The following CUX1 variants were observed in gnomAD, a reference collection of about 807,000 sequenced individuals.
CUX1 encodes the protein cut like homeobox 1.
Under a neutral mutation model 158.8 loss-of-function variants are expected in CUX1, and 31 were observed. The observed-to-expected ratio is 0.20, with a 90% CI of 0.15 to 0.26. The LOEUF is 0.26. CUX1 is among the 10% of genes least tolerant of loss of function. The probability of loss-of-function intolerance (pLI) is 1.00; values close to 1 mark genes in which losing one functional copy is unlikely to be tolerated. For synonymous variants in CUX1, 879 were observed against 862.1 expected (o/e 1.02, Z -0.34); for missense variants, 1,589 against 2,014.6 (o/e 0.79, Z 4.04).
Position 102,196,721 on chromosome 7 carries a change from A to T in CUX1, c.1310A>T (p.Asn437Ile). 6.2e-7 allele frequency: 1 copy of T among 1,611,376 alleles called. No homozygotes were observed. Among genetic ancestry groups the T allele is most frequent in the Non-Finnish European group, 8.5e-7 (1 of 1,178,542 alleles). The change falls in exon 15 of 24, where the codon AAC becomes ATC. Residue 437 changes from asparagine to isoleucine, a missense_variant. Coordinates refer to ENST00000292535, the MANE Select transcript of CUX1 (RefSeq NM_181552.4). ...CCCCCTCCTTCTCAGTTGCCCCGCA[A>T]CCCGGGGGAGCAGGCTTCCAATACT... ...PAPPPSQLPR[N>I]PGEQASNTNG... is the part of the protein sequence containing the mutation.
intron 20 of CUX1, among the ~76,000 whole-genome samples, chr7:102,214,380 C>G (rs993347993): frequency 6.6e-6 from 1 of 151,138 alleles, no homozygotes; most frequent in Non-Finnish European, 1.5e-5. Flanking sequence ...AAAATTTAGC[C>G]GAGCATGGTG....
intron 1 of CUX1, among the ~76,000 whole-genome samples, chr7:101,871,605 A>G (rs10266326): frequency 0.38 from 58,135 of 151,888 alleles, 12,465 homozygotes; most frequent in East Asian, 0.89. Context: ...AGCCGGAAGG[A>G]TGCAGATGTG....
Position 101,920,148 on chromosome 7 carries a change from G to T in CUX1, c.141+3923G>T, listed in dbSNP as rs556734764. Among the ~76,000 whole-genome samples, 13 of 147,524 alleles carry T rather than the reference G, an allele frequency of 8.8e-5. No individual in the cohort carries two copies. The South Asian group carries it at 2.8e-3, about 32-fold the overall frequency. ...TGTGTTTTTTTTTTTTTCTTCAAGT[G>T]TCTTGCTCTGTTGCCCAGGCTGGAG... On this transcript the variant is annotated intron_variant, in intron 2 of 23. Transcript: ENST00000292535.
intron 1 of CUX1, among the ~76,000 whole-genome samples, chr7:101,908,727 G>T (rs971088998): frequency 6.6e-6 from 1 of 152,168 alleles, no homozygotes; most frequent in Non-Finnish European, 1.5e-5. Flanking sequence ...CATCCCTGGA[G>T]CCCCTGGCCT....
intron 20 of CUX1, among the ~76,000 whole-genome samples, chr7:102,222,670 T>G (rs1797921454): frequency 6.6e-6 from 1 of 151,960 alleles, no homozygotes; most frequent in Non-Finnish European, 1.5e-5. Flanking sequence ...GTAGAAAAAC[T>G]GTGCCTGGGA....
chr7:101,972,128 A>G (rs945528992), intron 2 of CUX1, among the ~76,000 whole-genome samples: 3 of 151,984 alleles, frequency 2.0e-5, no homozygotes, highest in Non-Finnish European at 4.4e-5. Context: ...CACCACGCCC[A>G]GCTAATTTTT....
chr7:102,034,145 CAAAAAAAA>C (rs10655613), intron 3 of CUX1, among the ~76,000 whole-genome samples: 5 of 48,624 alleles, frequency 1.0e-4, no homozygotes, highest in East Asian at 6.3e-4. Flanking sequence ...GACTCCATCT[CAAAAAAAA>C]AAAAAAAAAA....
intron 3 of CUX1, among the ~76,000 whole-genome samples, chr7:102,035,232 G>A (rs991077335): frequency 6.6e-6 from 1 of 152,038 alleles, no homozygotes; most frequent in Non-Finnish European, 1.5e-5. Flanking sequence ...GCAACTTTAG[G>A]ATGATGCAAA....
At chr7:102,189,553 A>G (rs1794056105) in intron 11 of CUX1, among the ~76,000 whole-genome samples, 1 of 151,348 alleles carries the variant, frequency 6.6e-6, no homozygotes, top group African/African-American at 2.4e-5. Context: ...GAGCCACCAC[A>G]CCCTTCATTC....
intron 8 of CUX1, among the ~76,000 whole-genome samples, chr7:102,143,006 C>T (rs782685191): frequency 5.3e-5 from 8 of 152,144 alleles, no homozygotes; most frequent in Non-Finnish European, 7.4e-5. Flanking sequence ...TGTTGTCTAC[C>T]CGTGATTCCT....
intron 1 of CUX1, among the ~76,000 whole-genome samples, chr7:101,898,512 G>A (rs1021552411): frequency 6.7e-6 from 1 of 150,346 alleles, no homozygotes; most frequent in Admixed American, 6.6e-5. Context: ...GCGGCTTCCT[G>A]TATGTACTTT....
chr7:101,833,552 C>T, intron 1 of CUX1, among the ~76,000 whole-genome samples: 1 of 116,986 alleles, frequency 8.5e-6, no homozygotes, highest in Non-Finnish European at 1.7e-5. Context: ...AAGAGGAAGA[C>T]TCTGTCTCTT....
intron 8 of CUX1, among the ~76,000 whole-genome samples, chr7:102,146,957 A>G: frequency 6.6e-6 from 1 of 152,298 alleles, no homozygotes; most frequent in East Asian, 1.9e-4. Flanking sequence ...GGTAATCTAC[A>G]GAGAACAAAT....
In CUX1 at chr7:102,248,370, A is replaced by G; in HGVS notation, c.3888-42A>G. The G allele has an allele frequency of 6.5e-7, 1 of 1,529,526 alleles. No homozygotes were observed. Among genetic ancestry groups the G allele is most frequent in the Admixed American group, 1.9e-5 (1 of 52,186 alleles). The allele number at this position is 1,529,526 out of a possible 1,614,324, so 94.7% of individuals were successfully genotyped here. A position where few individuals can be genotyped will look rare whatever the true frequency, so the allele number is the denominator to read the frequency against. ...GGGTAGCACCAGAGGCCCTTTCCCCAGCAGCACCCCCCTCACGTCCCCGCC... is the reference window on the plus strand; with the variant it reads ...GGGTAGCACCAGAGGCCCTTTCCCCGGCAGCACCCCCCTCACGTCCCCGCC... On this transcript the variant is annotated intron_variant, in intron 23 of 23. Coordinates refer to ENST00000292535, the MANE Select transcript of CUX1 (RefSeq NM_181552.4). This position sits in a 1 kb window ranked among gnomAD's most constrained non-coding sequence, Gnocchi z 5.8.
At chr7:102,121,432 G>C (rs1323767228) in intron 8 of CUX1, among the ~76,000 whole-genome samples, 1 of 149,964 alleles carries the variant, frequency 6.7e-6, no homozygotes, top group Non-Finnish European at 1.5e-5. Flanking sequence ...GGCATCCTCC[G>C]CCTCCCGGGT....
intron 6 of CUX1, among the ~76,000 whole-genome samples, chr7:102,106,091 T>C (rs1830320969): frequency 7.7e-6 from 1 of 129,922 alleles, no homozygotes; most frequent in Non-Finnish European, 1.7e-5. Flanking sequence ...TTTTTTTTTT[T>C]TTTTTTTTTT....
chr7:101,940,078 TAAAA>T (rs1180448927), intron 2 of CUX1, among the ~76,000 whole-genome samples: 2 of 115,192 alleles, frequency 1.7e-5, no homozygotes. Context: ...AGACTCCATC[TAAAA>T]AAAAAAAAAA....
chr7:101,966,174 T>C (rs1811183260), intron 2 of CUX1, among the ~76,000 whole-genome samples: 1 of 152,038 alleles, frequency 6.6e-6, no homozygotes, highest in Non-Finnish European at 1.5e-5. Context: ...CAGCTGATCC[T>C]CTTGCCCCAA....
chr7:101,948,403 T>C (rs993756371), intron 2 of CUX1, among the ~76,000 whole-genome samples: 2 of 151,904 alleles, frequency 1.3e-5, no homozygotes, highest in Non-Finnish European at 3.0e-5. Context: ...AGATCCACTT[T>C]AGGAATTGGC....
Sources: gnomAD v4.1 joint callset for allele counts (sites outside exome capture counted in the v4.1 genomes callset) on GRCh38, gnomAD v4.1.1 for gene constraint, Gnocchi (gnomAD v3.1) non-coding constraint, MANE v1.5 for transcripts, NCBI Gene and HGNC (gene_info 2026-07-23, HGNC 2026-07-21) for gene names.